HMCN1: variants seen among roughly 807,000 people sequenced by gnomAD.
The protein encoded by HMCN1 is hemicentin-1.
HMCN1 carries 321 observed loss-of-function variants against 625.9 expected under a neutral mutation model. The ratio of observed to expected loss-of-function variants is 0.51; its 90% CI spans 0.47 to 0.56. The LOEUF (loss-of-function observed/expected upper bound fraction) is 0.56, where lower values mean the gene tolerates loss of function less well. Among genes scored for constraint, HMCN1 ranks in the 20% least tolerant of loss-of-function variants. The pLI, the probability that HMCN1 is intolerant of heterozygous loss-of-function variation, is 0.00. For missense variants in HMCN1, 6,588 were observed against 6,887.3 expected, an observed-to-expected ratio of 0.96 and a Z score of 1.54; for synonymous variants, 2,425 against 2,417.6, an observed-to-expected ratio of 1.00 and a Z score of -0.09.
At chr1:185,799,958 G>A (rs545432148) in intron 1 of HMCN1, among the ~76,000 whole-genome samples, 8 of 152,236 alleles carry the variant, frequency 5.3e-5, no homozygotes, top group South Asian at 2.1e-4. Context: ...GGTTGGGCAC[G>A]CCCATATGTA....
intron 19 of HMCN1, among the ~76,000 whole-genome samples, chr1:185,984,960 A>G (rs577856481): frequency 6.6e-6 from 1 of 152,320 alleles, no homozygotes; most frequent in African/African-American, 2.4e-5. Context: ...AAAAAAAACC[A>G]TTGCATTAAA....
In HMCN1 at chr1:185,962,651, T is replaced by A. The variant is rs765740143; in HGVS notation, c.1962T>A (p.Gly654=). Reference sequence around the variant, plus strand: ...CCGTTAACGATATGTTTATCGTGGGTTCACACAGGTACTGGGTTTGTATCA... The same window carrying A: ...CCGTTAACGATATGTTTATCGTGGGATCACACAGGTACTGGGTTTGTATCA... The part of the protein sequence containing the change: ...AWTVNDMFIV[G]SHRYRMTSDG... Residue 654 remains glycine (G), a synonymous_variant, in exon 12 of 107, where the codon GGT becomes GGA. Transcript: ENST00000271588. 1 of 1,561,810 alleles carries A rather than the reference T, an allele frequency of 6.4e-7. No individual in the cohort carries two copies.
At chr1:186,062,694 G>A in intron 48 of HMCN1, 94 bp downstream of exon 48, 8 of 806,046 alleles carry the variant, frequency 9.9e-6, no homozygotes, top group South Asian at 8.5e-5. Context: ...ATATATTTAG[G>A]GGGTACAAGT....
In HMCN1 at chr1:186,113,999, G is replaced by C. The variant is rs898591605; in HGVS notation, c.11152G>C (p.Gly3718Arg). 1 of 1,614,080 alleles carries C rather than the reference G, an allele frequency of 6.2e-7. No individual in the cohort carries two copies. The highest frequency in any genetic ancestry group is 1.3e-5 in the African/African-American group (1 of 75,008). ...TVNVPPNIKG[G>R]PQSLVILLNK... Reference sequence around the variant, plus strand: ...TTCAGTTCCTCCAAACATAAAGGGGGGCCCCCAGAGCCTTGTAATTCTTTT... The same window carrying C: ...TTCAGTTCCTCCAAACATAAAGGGGCGCCCCCAGAGCCTTGTAATTCTTTT... Residue 3718 changes from glycine (G) to arginine (R), a missense_variant, in exon 73 of 107, where the codon GGC becomes CGC. Gly to Arg is a moderately radical substitution (Grantham distance 125). Around this residue, in one of 3 missense-constraint regions of HMCN1, gnomAD observed 4,628 missense variants for 4,853.1 expected, o/e 0.95. Transcript: ENST00000271588.
intron 1 of HMCN1, among the ~76,000 whole-genome samples, chr1:185,754,253 A>G (rs1331018171): frequency 2.0e-5 from 3 of 152,186 alleles, no homozygotes; most frequent in African/African-American, 7.2e-5. Context: ...TGGTCACCAG[A>G]GGCTAGGGAG....
In HMCN1 at chr1:186,086,302, T is replaced by G; in HGVS notation, c.8941T>G (p.Phe2981Val). Residue 2981 changes from phenylalanine (F) to valine (V), a missense_variant, in exon 58 of 107, where the codon TTC (phenylalanine) becomes GTC (valine). By Grantham distance (50) the Phe-to-Val change is conservative. This residue lies in a region of HMCN1 where 4,628 missense variants were observed against 4,853.1 expected (regional missense o/e 0.95). Coordinates refer to ENST00000271588, the MANE Select transcript of HMCN1 (RefSeq NM_031935.3). Reference protein sequence around the residue: ...SENLTVVVNNFISLTCEVSGF... With the variant: ...SENLTVVVNNVISLTCEVSGF... ...AAATCTTACCGTCGTGGTGAACAATTTCATCTCTTTGACCTGTGAGGTCTC... is the reference window on the plus strand; with the variant it reads ...AAATCTTACCGTCGTGGTGAACAATGTCATCTCTTTGACCTGTGAGGTCTC... 1 of 1,613,276 alleles carries G rather than the reference T, an allele frequency of 6.2e-7. No homozygotes were observed. Among genetic ancestry groups the G allele is most frequent in the East Asian group, 2.2e-5 (1 of 44,830 alleles).
intron 11 of HMCN1, among the ~76,000 whole-genome samples, chr1:185,947,045 A>G (rs188937297): frequency 5.0e-4 from 76 of 152,286 alleles, no homozygotes; most frequent in African/African-American, 1.4e-3. Flanking sequence ...GAAATGTGGA[A>G]TTCTTTTTTG....
At chr1:186,062,134 G>A (rs1326567968) in intron 47 of HMCN1, among the ~76,000 whole-genome samples, 170 bp downstream of exon 47, 3 of 152,060 alleles carry the variant, frequency 2.0e-5, no homozygotes, top group Non-Finnish European at 2.9e-5. Flanking sequence ...TCAGGCAATC[G>A]TTTGGGGGAA....
chr1:185,912,660 G>A (rs148137289), intron 6 of HMCN1, among the ~76,000 whole-genome samples: 2,132 of 152,000 alleles, frequency 0.014, 15 homozygotes, highest in African/African-American at 0.019. Context: ...AAGGTTGTTC[G>A]GCTGAGGAAT....
At position 186,033,883 on chromosome 1, in the gene HMCN1, AT is replaced by A. The variant is rs575996609; in HGVS notation, c.5750-4041del. On this transcript the variant is annotated intron_variant, in intron 36 of 106. Transcript: ENST00000271588. Reference sequence around the variant, plus strand: ...TTCTCTCCTCATGGTTTTTATTGTCATTTTTTTTTTGTTGCTGGTTTTCATC... The same window carrying A: ...TTCTCTCCTCATGGTTTTTATTGTCATTTTTTTTTGTTGCTGGTTTTCATC... Among the ~76,000 whole-genome samples the A allele has an allele frequency of 3.2e-3, 464 of 147,246 alleles. 3 individuals carry two copies. The highest frequency in any genetic ancestry group is 4.9e-3 in the African/African-American group (199 of 40,302).
chr1:185,950,510 G>A (rs923449275), intron 11 of HMCN1, among the ~76,000 whole-genome samples: 1 of 151,604 alleles, frequency 6.6e-6, no homozygotes, highest in African/African-American at 2.4e-5. Context: ...GAAAGGAGTT[G>A]TTGTTTTGTA....
At position 186,130,715 on chromosome 1, in the gene HMCN1, G is replaced by T; in HGVS notation, c.13230+18G>T. 2 of 1,609,616 alleles carry T rather than the reference G, an allele frequency of 1.2e-6. No individual in the cohort carries two copies. Among genetic ancestry groups the T allele is most frequent in the African/African-American group, 1.3e-5 (1 of 74,882 alleles). ...GCACTGTTGTAAGTCACGCCAGAAT[G>T]ATTGATGCACCTTTAAACCCCCACA... On this transcript the variant is annotated intron_variant, in intron 85 of 106. Transcript: ENST00000271588.
chr1:186,086,258 T>C lies in HMCN1; in HGVS notation c.8897T>C (p.Val2966Ala). Residue 2966 changes from valine to alanine, a missense_variant, in exon 58 of 107, where the codon GTC (valine) becomes GCC (alanine). By Grantham distance (64) the Val-to-Ala change is moderately conservative. Around this residue, in one of 3 missense-constraint regions of HMCN1, gnomAD observed 4,628 missense variants for 4,853.1 expected, o/e 0.95. Coordinates refer to ENST00000271588, the MANE Select transcript of HMCN1 (RefSeq NM_031935.3). ...TTTACTATTATAGTTCCTCCAAGTG[T>C]CATTGGTCCTAAATCTGAAAATCTT... is the stretch of plus-strand genomic sequence containing the variant. ...FNLNVHVPPS[V>A]IGPKSENLTV... 6.2e-7 allele frequency: 1 copy of C among 1,611,748 alleles called. No homozygotes were observed. Among genetic ancestry groups the C allele is most frequent in the Non-Finnish European group, 8.5e-7 (1 of 1,178,132 alleles).
chr1:185,891,910 C>G (rs1297092872), intron 4 of HMCN1, among the ~76,000 whole-genome samples: 2 of 148,590 alleles, frequency 1.3e-5, no homozygotes, highest in African/African-American at 5.3e-5. Flanking sequence ...GACTGTTTTC[C>G]AACTTGGTTC....
chr1:185,887,352 A>G (rs1000615959), intron 4 of HMCN1, among the ~76,000 whole-genome samples: 3 of 151,816 alleles, frequency 2.0e-5, no homozygotes, highest in African/African-American at 7.3e-5. Flanking sequence ...ACATGTGCAC[A>G]TTGTGCAGGT....
chr1:186,018,476 A>T (rs1314415079), intron 34 of HMCN1, 124 bp downstream of exon 34: 6 of 1,038,622 alleles, frequency 5.8e-6, no homozygotes, highest in Non-Finnish European at 8.9e-6. Context: ...AGTGTAAAGG[A>T]TGTGAATTTC....
intron 35 of HMCN1, among the ~76,000 whole-genome samples, chr1:186,020,693 T>G (rs1472758862): frequency 6.6e-6 from 1 of 152,078 alleles, no homozygotes; most frequent in East Asian, 1.9e-4. Flanking sequence ...GGAAAAGCCC[T>G]GATTAGAGTT....
At chr1:186,172,640 C>T (rs1216048060) in intron 102 of HMCN1, among the ~76,000 whole-genome samples, 1 of 152,158 alleles carries the variant, frequency 6.6e-6, no homozygotes, top group Non-Finnish European at 1.5e-5. Context: ...TTATAGTTCT[C>T]CCTACATTTG....
chr1:185,914,705 T>A (rs1227927367), intron 6 of HMCN1, among the ~76,000 whole-genome samples: 3 of 151,982 alleles, frequency 2.0e-5, no homozygotes, highest in Non-Finnish European at 4.4e-5. Context: ...AAAACTTTCA[T>A]CAAACTTTGT....
Sources: gnomAD v4.1 joint callset for allele counts (sites outside exome capture counted in the v4.1 genomes callset) on GRCh38, gnomAD v4.1.1 for gene constraint, gnomAD v4.1.1 regional missense constraint, MANE v1.5 for transcripts, NCBI Gene and HGNC (gene_info 2026-07-23, HGNC 2026-07-21) for gene names.